Variants in PTPRD observed in about 807,000 individuals in gnomAD.
The protein encoded by PTPRD is receptor-type tyrosine-protein phosphatase delta.
A neutral mutation model predicts 214.5 loss-of-function variants in PTPRD; 34 were observed. The observed-to-expected ratio is 0.16, with a 90% CI of 0.12 to 0.21. The LOEUF is 0.21. Ranked by LOEUF, PTPRD falls within the 10% of genes least tolerant of loss-of-function variation. The pLI is 1.00. For missense variants in PTPRD, 2,545 were observed against 2,398.7 expected (o/e 1.06, Z -1.27); for synonymous variants, 1,128 against 845.7 (o/e 1.33, Z -5.79).
chr9:10,061,483 G>A (rs1238869466), intron 3 of PTPRD, among the ~76,000 whole-genome samples: 1 of 152,004 alleles, frequency 6.6e-6, no homozygotes, highest in Non-Finnish European at 1.5e-5. Context: ...GTCTGTGGTA[G>A]CTTTTTTCTC....
intron 34 of PTPRD, among the ~76,000 whole-genome samples, chr9:8,438,004 C>G (rs1323585): frequency 0.32 from 48,905 of 151,854 alleles, 8,473 homozygotes; most frequent in African/African-American, 0.44. Context: ...CAGCTGGCTA[C>G]AAAAACCTGA....
At chr9:9,214,378 C>T (rs1040965367) in intron 9 of PTPRD, among the ~76,000 whole-genome samples, 8 of 152,072 alleles carry the variant, frequency 5.3e-5, no homozygotes, top group South Asian at 2.1e-4. Context: ...TGATGCCATA[C>T]GATTAAACAG....
intron 3 of PTPRD, among the ~76,000 whole-genome samples, chr9:10,332,249 A>G (rs2096764533): frequency 1.3e-5 from 2 of 151,876 alleles, no homozygotes. Context: ...CATAAATACC[A>G]TGAGAGATGT....
At chr9:9,332,902 T>C (rs2042877206) in intron 9 of PTPRD, among the ~76,000 whole-genome samples, 1 of 152,046 alleles carries the variant, frequency 6.6e-6, no homozygotes, top group South Asian at 2.1e-4. Flanking sequence ...CTAACATTAA[T>C]CATAAAAAGA....
At position 9,257,787 on chromosome 9, in the gene PTPRD, T is replaced by TA. The variant is rs1029983501; in HGVS notation, c.-202-74425dup. On this transcript the variant is annotated intron_variant, in intron 9 of 45. Coordinates refer to ENST00000381196, the MANE Select transcript of PTPRD (RefSeq NM_002839.4). ...TGACAAAATGAGACCCTGTCTCAAT[T>TA]AAAAAAAATCTCTGTGCCAGGGCAA... Among the ~76,000 whole-genome samples, 169 of 151,778 alleles carry TA rather than the reference T, an allele frequency of 1.1e-3. 1 individual carries two copies. The highest frequency in any genetic ancestry group is 3.9e-3 in the African/African-American group (160 of 41,450).
chr9:8,618,073 C>A (rs569731113), intron 14 of PTPRD, among the ~76,000 whole-genome samples: 1 of 152,196 alleles, frequency 6.6e-6, no homozygotes, highest in South Asian at 2.1e-4. Context: ...CTGTGAGGAT[C>A]TTCTCACTGC....
chr9:9,805,433 A>T (rs2099066868), intron 5 of PTPRD, among the ~76,000 whole-genome samples: 1 of 152,156 alleles, frequency 6.6e-6, no homozygotes, highest in South Asian at 2.1e-4. Context: ...AGGTGATTTG[A>T]CTTCACAGGT....
intron 2 of PTPRD, among the ~76,000 whole-genome samples, chr9:10,547,682 A>T (rs1464963172): frequency 6.6e-6 from 1 of 151,994 alleles, no homozygotes; most frequent in South Asian, 2.1e-4. Flanking sequence ...TAGACATAAC[A>T]AACATATACA....
intron 10 of PTPRD, among the ~76,000 whole-genome samples, chr9:9,100,053 C>G (rs1264031203): frequency 1.3e-5 from 2 of 152,032 alleles, no homozygotes; most frequent in African/African-American, 2.4e-5. Context: ...AAAATATCCT[C>G]TTTTTGTGAT....
At position 9,443,962 on chromosome 9, in the gene PTPRD, C is replaced by T. The variant is rs370311505; in HGVS notation, c.-236-46480G>A. Among the ~76,000 whole-genome samples, 155 of 152,262 alleles carry T rather than the reference C, an allele frequency of 1.0e-3. 1 individual carries two copies. The highest frequency in any genetic ancestry group is 3.6e-3 in the African/African-American group (150 of 41,554). Reference sequence around the variant, plus strand: ...CATAGGGACTTTTTTGTCTACTATACATAATGACAATTTTTCTAACTACAG... The same window carrying T: ...CATAGGGACTTTTTTGTCTACTATATATAATGACAATTTTTCTAACTACAG... On this transcript the variant is annotated intron_variant, in intron 8 of 45. Coordinates refer to ENST00000381196, the MANE Select transcript of PTPRD (RefSeq NM_002839.4).
At chr9:9,932,901 G>C (rs1359914902) in intron 5 of PTPRD, among the ~76,000 whole-genome samples, 2 of 134,640 alleles carry the variant, frequency 1.5e-5, no homozygotes, top group Non-Finnish European at 3.3e-5. Flanking sequence ...CTACCAGCCA[G>C]AAAAGAGTGG....
chr9:8,677,189 A>G (rs781613726), intron 12 of PTPRD, among the ~76,000 whole-genome samples: 15 of 152,198 alleles, frequency 9.9e-5, no homozygotes, highest in Non-Finnish European at 1.8e-4. Context: ...TCAACAATCA[A>G]AACATGGGAG....
At chr9:9,476,245 A>G (rs184227921) in intron 8 of PTPRD, among the ~76,000 whole-genome samples, 3 of 152,078 alleles carry the variant, frequency 2.0e-5, no homozygotes, top group Non-Finnish European at 4.4e-5. Context: ...TGCCATATAT[A>G]TTTTTTACTG....
chr9:9,180,102 T>C (rs10977548), intron 10 of PTPRD, among the ~76,000 whole-genome samples: 4 of 151,940 alleles, frequency 2.6e-5, no homozygotes, highest in Admixed American at 6.6e-5. Context: ...ACTGGATATA[T>C]ACCCAAAGGA....
chr9:8,713,377 C>T (rs1014441550), intron 12 of PTPRD: 6 of 1,068,902 alleles, frequency 5.6e-6, no homozygotes, highest in South Asian at 2.6e-5. Flanking sequence ...TCCCAAATGC[C>T]ACACACCGCC....
intron 10 of PTPRD, among the ~76,000 whole-genome samples, chr9:9,052,719 T>C (rs1393958104): frequency 6.6e-6 from 1 of 152,334 alleles, no homozygotes; most frequent in African/African-American, 2.4e-5. Flanking sequence ...ACTGTCCACA[T>C]AAGTACAAAG....
intron 10 of PTPRD, among the ~76,000 whole-genome samples, chr9:9,100,602 G>C (rs2099789924): frequency 6.6e-6 from 1 of 151,980 alleles, no homozygotes; most frequent in South Asian, 2.1e-4. Flanking sequence ...ACCAGAAAAT[G>C]AAACAAAACA....
intron 2 of PTPRD, among the ~76,000 whole-genome samples, chr9:10,537,468 C>T (rs1310157964): frequency 1.3e-5 from 2 of 152,052 alleles, no homozygotes; most frequent in African/African-American, 2.4e-5. Flanking sequence ...TGAAAAATAG[C>T]TATGTAAAAA....
At chr9:9,401,007 T>C (rs959632773) in intron 8 of PTPRD, among the ~76,000 whole-genome samples, 2 of 152,066 alleles carry the variant, frequency 1.3e-5, no homozygotes, top group Admixed American at 6.6e-5. Context: ...ATTGTGATCA[T>C]ATGATTTGTT....
Sources: allele counts gnomAD v4.1 joint callset (sites outside exome capture counted in the v4.1 genomes callset), GRCh38; gene constraint gnomAD v4.1.1; transcripts MANE v1.5; gene names NCBI Gene and HGNC (gene_info 2026-07-23, HGNC 2026-07-21).